Variants in RAB5A observed in about 807,000 individuals in gnomAD.
RAB5A encodes ras-related protein Rab-5A.
A neutral mutation model predicts 25.7 loss-of-function variants in RAB5A; 8 were observed. The observed-to-expected ratio is 0.31, with a 90% CI of 0.18 to 0.56. The LOEUF (loss-of-function observed/expected upper bound fraction) is 0.56. Ranked by LOEUF, RAB5A falls within the 20% of genes least tolerant of loss-of-function variation. The probability of loss-of-function intolerance (pLI) is 0.91; values close to 1 mark genes in which losing one functional copy is unlikely to be tolerated. For missense variants in RAB5A, 192 were observed against 259.7 expected, an observed-to-expected ratio of 0.74 and a Z score of 1.79; for synonymous variants, 98 against 89.8, an observed-to-expected ratio of 1.09 and a Z score of -0.52.
chr3:19,970,892 A>T (rs1696739842), intron 2 of RAB5A, among the ~76,000 whole-genome samples: 1 of 152,184 alleles, frequency 6.6e-6, no homozygotes. Context: ...TTATAGGGGA[A>T]ATTAAACACT....
At chr3:19,975,845 G>A in intron 3 of RAB5A, 93 bp downstream of exon 3, 1 of 1,405,954 alleles carries the variant, frequency 7.1e-7, no homozygotes, top group Non-Finnish European at 9.6e-7. Flanking sequence ...ATCTTTTTCT[G>A]ATAGTCATGA....
chr3:19,976,800 C>T (rs1426893341), intron 4 of RAB5A, among the ~76,000 whole-genome samples: 1 of 152,216 alleles, frequency 6.6e-6, no homozygotes, highest in Non-Finnish European at 1.5e-5. Flanking sequence ...CTCTTCTACT[C>T]ATGTGCAAAT....
chr3:19,949,359 C>T lies in RAB5A; in HGVS notation c.-93-1447C>T, dbSNP rs139834852. ...CATTATGAAGAGCGTATTATAAGCT[C>T]ATTTTATGGGAAAGGCATATTTCTT... is the stretch of plus-strand genomic sequence containing the variant. On this transcript the variant is annotated intron_variant, in intron 1 of 5. Transcript: ENST00000273047. 9.0e-3 allele frequency among the ~76,000 whole-genome samples: 1,371 copies of T among 152,160 alleles called. 16 individuals are homozygous for T. The highest frequency in any genetic ancestry group is 0.032 in the African/African-American group (1,307 of 41,482).
intron 3 of RAB5A, 22 bp downstream of exon 3, chr3:19,975,774 A>G (rs1469867297): frequency 1.1e-5 from 17 of 1,579,294 alleles, no homozygotes; most frequent in Non-Finnish European, 1.5e-5. Context: ...TGCATTCCAC[A>G]GTAAAACTAA....
chr3:19,958,038 TC>T (rs1696530806), intron 2 of RAB5A, among the ~76,000 whole-genome samples: 1 of 152,200 alleles, frequency 6.6e-6, no homozygotes, highest in South Asian at 2.1e-4. Flanking sequence ...ATAATTATAA[TC>T]TGTGCATTTA....
chr3:19,974,035 G>A (rs1421394166), intron 2 of RAB5A, among the ~76,000 whole-genome samples: 1 of 152,158 alleles, frequency 6.6e-6, no homozygotes, highest in Non-Finnish European at 1.5e-5. Context: ...CACACCTTGA[G>A]CTAAATGTAG....
chr3:19,952,430 CAGGT>C (rs1439421875), intron 2 of RAB5A, among the ~76,000 whole-genome samples: 1 of 152,166 alleles, frequency 6.6e-6, no homozygotes, highest in Non-Finnish European at 1.5e-5. Context: ...GGAAATAAGA[CAGGT>C]AGATACCAAC....
chr3:19,984,488 G>A lies in RAB5A; in HGVS notation c.*665G>A, dbSNP rs947242784. 1.3e-5 allele frequency: 3 copies of A among 224,308 alleles called. No homozygotes were observed. Among genetic ancestry groups the A allele is most frequent in the African/African-American group, 7.2e-5 (3 of 41,766 alleles). The allele number at this position is 224,308 out of a possible 1,614,324, so 13.9% of individuals were successfully genotyped here. On this transcript the variant is annotated 3_prime_UTR_variant, in exon 6 of 6. Coordinates refer to ENST00000273047, the MANE Select transcript of RAB5A (RefSeq NM_004162.5). ...TTAGGAATTTTGAGAACTAATAAAT[G>A]CACCTTAATGGTCAGTGTTCCTTTC... is the stretch of plus-strand genomic sequence containing the variant.
intron 2 of RAB5A, among the ~76,000 whole-genome samples, chr3:19,969,432 GTTCTT>G (rs1287119881): frequency 6.6e-6 from 1 of 152,120 alleles, no homozygotes; most frequent in Non-Finnish European, 1.5e-5. Flanking sequence ...CTCCTTTTCT[GTTCTT>G]TTGTGAATTG....
intron 4 of RAB5A, 117 bp from the exon 5 acceptor site, chr3:19,978,193 T>G: frequency 1.4e-6 from 1 of 736,760 alleles, no homozygotes; most frequent in Non-Finnish European, 2.4e-6. Flanking sequence ...TATAGATGAT[T>G]ATAGGAATCA....
chr3:19,950,305 A>G (rs1162308994), intron 1 of RAB5A, among the ~76,000 whole-genome samples: 1 of 152,220 alleles, frequency 6.6e-6, no homozygotes, highest in Non-Finnish European at 1.5e-5. Context: ...TTCAAATAAT[A>G]CTAAATTTTA....
At chr3:19,973,339 A>G (rs1370817128) in intron 2 of RAB5A, among the ~76,000 whole-genome samples, 1 of 151,552 alleles carries the variant, frequency 6.6e-6, no homozygotes, top group Non-Finnish European at 1.5e-5. Flanking sequence ...TTGTGATCAT[A>G]GTATGTCTGA....
intron 5 of RAB5A, among the ~76,000 whole-genome samples, chr3:19,980,973 C>T (rs531697270): frequency 6.6e-6 from 1 of 152,222 alleles, no homozygotes; most frequent in South Asian, 2.1e-4. Flanking sequence ...CTAGGCAATC[C>T]GATCTCAAAG....
intron 5 of RAB5A, chr3:19,978,678 A>G: frequency 4.2e-6 from 1 of 238,892 alleles, no homozygotes; most frequent in Non-Finnish European, 8.0e-6. Flanking sequence ...GTTAAGCCTT[A>G]ACCTCTTAAC....
intron 2 of RAB5A, among the ~76,000 whole-genome samples, chr3:19,951,701 G>GTTTTTTTTTGTTTTTT (rs1553638048): frequency 1.0e-5 from 1 of 99,014 alleles, no homozygotes; most frequent in Non-Finnish European, 2.0e-5. Context: ...TGCCAGGCAA[G>GTTTTTTTTTGTTTTTT]TTTTTTTTTT....
chr3:19,957,834 A>G (rs928563427), intron 2 of RAB5A, among the ~76,000 whole-genome samples: 3 of 152,174 alleles, frequency 2.0e-5, no homozygotes, highest in Non-Finnish European at 2.9e-5. Context: ...GTTAATATAC[A>G]TATGTATATA....
chr3:19,975,967 CT>C (rs1303334880), intron 3 of RAB5A, 79 bp from the exon 4 acceptor site: 3 of 1,519,408 alleles, frequency 2.0e-6, no homozygotes, highest in South Asian at 2.6e-5. Context: ...TTGGGACAGT[CT>C]TTTAAAGCCT....
Position 19,983,773 on chromosome 3 carries a change from G to A in RAB5A, c.598G>A (p.Asp200Asn). The change falls in exon 6 of 6, where the codon GAC (aspartate) becomes AAC (asparagine). Residue 200 changes from aspartate to asparagine, a missense_variant. Asp to Asn is a conservative substitution (Grantham distance 23). This residue lies in a region of RAB5A where 121 missense variants were observed against 135.7 expected (regional missense o/e 0.89). Transcript: ENST00000273047. ...AAATTCTGCCAGAGGAAGAGGAGTA[G>A]ACCTTACCGAACCCACACAACCAAC... ...GANSARGRGVDLTEPTQPTRN... is the reference protein window; with the variant it reads ...GANSARGRGVNLTEPTQPTRN... The A allele has an allele frequency of 6.2e-7, 1 of 1,612,504 alleles. No individual in the cohort carries two copies.
At chr3:19,959,089 C>G (rs1199526904) in intron 2 of RAB5A, among the ~76,000 whole-genome samples, 1 of 152,116 alleles carries the variant, frequency 6.6e-6, no homozygotes. Context: ...TTTTGCCTTG[C>G]CGTGCTTAAT....
Sources: allele counts gnomAD v4.1 joint callset (sites outside exome capture counted in the v4.1 genomes callset), GRCh38; gene constraint gnomAD v4.1.1; regional missense constraint gnomAD v4.1.1; transcripts MANE v1.5; gene names NCBI Gene and HGNC (gene_info 2026-07-23, HGNC 2026-07-21).